Variants in PEBP4 observed in about 807,000 individuals in gnomAD.
PEBP4 encodes phosphatidylethanolamine-binding protein 4.
A neutral mutation model predicts 23.9 loss-of-function variants in PEBP4; 22 were observed. The ratio of observed to expected loss-of-function variants is 0.92; its 90% CI spans 0.66 to 1.31. The LOEUF is 1.31. Ranked by LOEUF, PEBP4 falls within the 40% of genes most tolerant of loss-of-function variation. The pLI is 0.00. For missense variants in PEBP4, 324 were observed against 281.7 expected (o/e 1.15, Z -1.07); for synonymous variants, 112 against 99.3 (o/e 1.13, Z -0.76).
chr8:22,741,761 A>C (rs1017850480), intron 4 of PEBP4, among the ~76,000 whole-genome samples: 2 of 152,198 alleles, frequency 1.3e-5, no homozygotes, highest in African/African-American at 4.8e-5. Context: ...TCCCCCCGGC[A>C]GGCAGGAGAG....
Position 22,920,333 on chromosome 8 carries a change from G to A in PEBP4, c.132-23C>T, listed in dbSNP as rs367667773. 5.6e-6 allele frequency: 9 copies of A among 1,600,680 alleles called. 1 individual carries two copies. The East Asian group carries it at 9.0e-5, about 16-fold the overall frequency. On this transcript the variant is annotated intron_variant, in intron 2 of 6. Transcript: ENST00000256404. ...CCCCTATGAAGAGAGAGGGGAGGTT[G>A]CCCTGTGTCAGGGTTTTAAGGGAGC...
intron 3 of PEBP4, chr8:22,896,210 A>G (rs1194549195): frequency 6.6e-6 from 1 of 152,262 alleles, no homozygotes; most frequent in Non-Finnish European, 1.5e-5. Flanking sequence ...TCACTGTCAT[A>G]GCTGGAGTGT....
chr8:22,753,428 A>C (rs1805309971), intron 4 of PEBP4, among the ~76,000 whole-genome samples: 1 of 152,232 alleles, frequency 6.6e-6, no homozygotes, highest in Non-Finnish European at 1.5e-5. Flanking sequence ...TTTGTGCCTC[A>C]AACTCTCTTG....
At chr8:22,721,519 G>A (rs112510250) in intron 6 of PEBP4, among the ~76,000 whole-genome samples, 1,778 of 152,150 alleles carry the variant, frequency 0.012, 13 homozygotes, top group Middle Eastern at 0.044. Context: ...TTCACCCTAA[G>A]CCTGTCATTT....
At chr8:22,891,163 A>G (rs1808484070) in intron 3 of PEBP4, among the ~76,000 whole-genome samples, 1 of 152,228 alleles carries the variant, frequency 6.6e-6, no homozygotes, top group Admixed American at 6.5e-5. Context: ...CATATGCAGC[A>G]TAATGACCTT....
chr8:22,816,725 C>A (rs1373629537), intron 4 of PEBP4, among the ~76,000 whole-genome samples: 1 of 152,204 alleles, frequency 6.6e-6, no homozygotes, highest in Non-Finnish European at 1.5e-5. Flanking sequence ...CGAGTTCCCA[C>A]TATCTTACAG....
intron 4 of PEBP4, among the ~76,000 whole-genome samples, chr8:22,796,660 G>GGCC (rs1563219103): frequency 6.6e-6 from 1 of 152,092 alleles, no homozygotes; most frequent in Non-Finnish European, 1.5e-5. Context: ...AGCCAAAAGG[G>GGCC]GCCTAGATTA....
chr8:22,931,117 C>T (rs1263710883), upstream of PEBP4, among the ~76,000 whole-genome samples: 1 of 152,172 alleles, frequency 6.6e-6, no homozygotes, highest in Non-Finnish European at 1.5e-5. Context: ...TCTACCCAGA[C>T]ACAGACTCTT....
chr8:22,755,347 TTTTTTTG>T (rs1159834350), intron 4 of PEBP4, among the ~76,000 whole-genome samples: 1 of 126,870 alleles, frequency 7.9e-6, no homozygotes, highest in Admixed American at 8.3e-5. Context: ...TTTTTTTTTT[TTTTTTTG>T]AGACGGAGTC....
chr8:22,715,615 G>A (rs1202576070), intron 6 of PEBP4, among the ~76,000 whole-genome samples: 2 of 152,222 alleles, frequency 1.3e-5, no homozygotes, highest in African/African-American at 4.8e-5. Context: ...GCGAGAGCTG[G>A]CTCCCCTCAA....
At chr8:22,763,097 C>T (rs1040439554) in intron 4 of PEBP4, among the ~76,000 whole-genome samples, 27 of 152,116 alleles carry the variant, frequency 1.8e-4, no homozygotes, top group African/African-American at 6.5e-4. Flanking sequence ...CTCTGCCTCC[C>T]GTGTTCAAGC....
intron 3 of PEBP4, among the ~76,000 whole-genome samples, chr8:22,898,100 C>A (rs1009125090): frequency 1.3e-5 from 2 of 152,118 alleles, no homozygotes; most frequent in Non-Finnish European, 1.5e-5. Flanking sequence ...GTTGTTAATG[C>A]CACCCAGCCA....
chr8:22,745,962 A>G (rs770719594), intron 4 of PEBP4, among the ~76,000 whole-genome samples: 2 of 152,246 alleles, frequency 1.3e-5, no homozygotes, highest in African/African-American at 4.8e-5. Context: ...GCCAAGGTCA[A>G]TGATGCTGCT....
chr8:22,899,298 C>T (rs1563253875), intron 3 of PEBP4, among the ~76,000 whole-genome samples: 1 of 152,236 alleles, frequency 6.6e-6, no homozygotes, highest in African/African-American at 2.4e-5. Context: ...TCTTCCCCAA[C>T]CCAAGGTTCT....
intron 4 of PEBP4, among the ~76,000 whole-genome samples, chr8:22,793,119 T>C (rs1376169922): frequency 6.6e-6 from 1 of 152,222 alleles, no homozygotes; most frequent in Non-Finnish European, 1.5e-5. Context: ...TTTTGGTACA[T>C]ACACTTTCCA....
chr8:22,904,700 T>C (rs538153953), intron 3 of PEBP4, among the ~76,000 whole-genome samples: 32 of 152,354 alleles, frequency 2.1e-4, no homozygotes, highest in Non-Finnish European at 3.5e-4. Flanking sequence ...ATAAAAGATA[T>C]AAATTTTTGA....
chr8:22,780,888 G>T (rs1805900197), intron 4 of PEBP4, among the ~76,000 whole-genome samples: 1 of 152,214 alleles, frequency 6.6e-6, no homozygotes, highest in Non-Finnish European at 1.5e-5. Context: ...GTTGCCCTGT[G>T]CCCTGAACTG....
At chr8:22,924,541 C>T (rs951967322) in intron 2 of PEBP4, 3 of 494,644 alleles carry the variant, frequency 6.1e-6, no homozygotes, top group Non-Finnish European at 5.2e-6. Context: ...TTGTGCACCT[C>T]GTGGATCCGC....
intron 4 of PEBP4, among the ~76,000 whole-genome samples, chr8:22,767,419 A>G (rs1805631773): frequency 2.0e-5 from 3 of 152,234 alleles, no homozygotes; most frequent in African/African-American, 7.2e-5. Context: ...GGTTATCCCT[A>G]TAATGTTGTC....
Sources: gnomAD v4.1 joint callset for allele counts (sites outside exome capture counted in the v4.1 genomes callset) on GRCh38, gnomAD v4.1.1 for gene constraint, MANE v1.5 for transcripts, NCBI Gene and HGNC (gene_info 2026-07-23, HGNC 2026-07-21) for gene names.